Variants in ARMC2 observed in about 807,000 individuals in gnomAD.
ARMC2 encodes armadillo repeat-containing protein 2.
ARMC2 carries 67 observed loss-of-function variants against 90.3 expected under a neutral mutation model. The observed-to-expected ratio is 0.74, with a 90% CI of 0.61 to 0.91. The LOEUF is 0.91. Among genes scored for constraint, ARMC2 ranks in the 40% least tolerant of loss-of-function variants. ARMC2 has a pLI of 0.00. For synonymous variants in ARMC2, 393 were observed against 393.0 expected (o/e 1.00, Z 0.00); for missense variants, 920 against 1,030.9 (o/e 0.89, Z 1.47).
chr6:108,884,711 G>A lies in ARMC2; in HGVS notation c.671+8361G>A, dbSNP rs116496386. 4.2e-3 allele frequency among the ~76,000 whole-genome samples: 634 copies of A among 152,288 alleles called. 3 individuals carry two copies. The highest frequency in any genetic ancestry group is 0.014 in the African/African-American group (595 of 41,552). ...GGACACATGACAGATGGCCTTCAAT[G>A]CTACTCCCAGGTATGTGGGTCCATT... On this transcript the variant is annotated intron_variant, in intron 5 of 17. Coordinates refer to ENST00000392644, the MANE Select transcript of ARMC2 (RefSeq NM_032131.6).
chr6:108,861,981 G>T (rs1053030644), intron 3 of ARMC2, among the ~76,000 whole-genome samples: 3 of 152,102 alleles, frequency 2.0e-5, no homozygotes, highest in Admixed American at 2.0e-4. Flanking sequence ...GACAAGATAG[G>T]CATTTATCTG....
chr6:108,913,726 T>A (rs1187183846), intron 10 of ARMC2, among the ~76,000 whole-genome samples: 2 of 152,218 alleles, frequency 1.3e-5, no homozygotes. Flanking sequence ...ACTTTTTAAA[T>A]AACCCGTTAC....
At chr6:109,051,181 A>G in the ARMC2 span, among the ~76,000 whole-genome samples, 5 of 152,314 alleles carry the variant, frequency 3.3e-5, no homozygotes, top group Admixed American at 1.3e-4. Context: ...AACTCATTTC[A>G]GAAATCAGTT....
intron 8 of ARMC2, chr6:108,907,699 C>A: frequency 6.2e-7 from 1 of 1,608,688 alleles, no homozygotes; most frequent in Non-Finnish European, 8.5e-7. Context: ...CCATGGTAAC[C>A]CCCGAGATGC....
At chr6:108,901,976 G>A (rs1772209374) in intron 7 of ARMC2, among the ~76,000 whole-genome samples, 1 of 152,140 alleles carries the variant, frequency 6.6e-6, no homozygotes, top group African/African-American at 2.4e-5. Flanking sequence ...TAGCATCTTG[G>A]GCAGGCAGAG....
At chr6:109,001,070 A>G in the ARMC2 span, among the ~76,000 whole-genome samples, 3 of 152,202 alleles carry the variant, frequency 2.0e-5, no homozygotes, top group African/African-American at 7.2e-5. Context: ...TACTTATTTA[A>G]TGAAGAATGG....
chr6:108,903,265 A>G (rs1381434211), intron 7 of ARMC2, among the ~76,000 whole-genome samples: 1 of 151,992 alleles, frequency 6.6e-6, no homozygotes, highest in African/African-American at 2.4e-5. Flanking sequence ...CTTTTTTTAA[A>G]TTTATTTTTT....
At chr6:108,858,675 A>C (rs902040980) in intron 3 of ARMC2, among the ~76,000 whole-genome samples, 2 of 151,300 alleles carry the variant, frequency 1.3e-5, no homozygotes, top group East Asian at 1.9e-4. Flanking sequence ...TAGTCTCTCT[A>C]TATATACATT....
At chr6:108,858,976 A>G (rs901989914) in intron 3 of ARMC2, among the ~76,000 whole-genome samples, 10 of 152,090 alleles carry the variant, frequency 6.6e-5, no homozygotes, top group African/African-American at 2.2e-4. Context: ...TATCCCCACT[A>G]TTACTCCCAT....
In ARMC2 at chr6:108,973,244, G is replaced by A. The variant is rs114488101; in HGVS notation, c.2447-113G>A. 4.1e-3 allele frequency: 3,021 copies of A among 730,408 alleles called. 20 individuals are homozygous for A. The highest frequency in any genetic ancestry group is 6.4e-3 in the South Asian group (266 of 41,406). The allele number at this position is 730,408 out of a possible 1,614,324, so 45.2% of individuals were successfully genotyped here. On this transcript the variant is annotated intron_variant, in intron 17 of 17. Coordinates refer to ENST00000392644, the MANE Select transcript of ARMC2 (RefSeq NM_032131.6). ...TCTCTGAAATCCTGTCTTGTGTTAC[G>A]TTGGTATTAAAGGACGACCCAGGGT...
At chr6:108,857,368 A>G (rs987380945) in intron 2 of ARMC2, among the ~76,000 whole-genome samples, 3 of 152,202 alleles carry the variant, frequency 2.0e-5, no homozygotes, top group Non-Finnish European at 4.4e-5. Context: ...CCAACCTTGT[A>G]TCTTGCAACC....
chr6:109,029,692 C>G, the ARMC2 span, among the ~76,000 whole-genome samples: 1 of 152,044 alleles, frequency 6.6e-6, no homozygotes, highest in African/African-American at 2.4e-5. Flanking sequence ...TGCCACCACA[C>G]CCAGCTATTT....
At chr6:108,858,021 G>A (rs1462737756) in intron 2 of ARMC2, among the ~76,000 whole-genome samples, 178 bp from the exon 3 acceptor site, 2 of 152,138 alleles carry the variant, frequency 1.3e-5, no homozygotes, top group Non-Finnish European at 1.5e-5. Flanking sequence ...CTTCCTAAAA[G>A]TAATCAAAAG....
rs532834613 is a variant in ARMC2, at chr6:108,932,779, C to T, written c.1497-4121C>T. 5.6e-3 allele frequency among the ~76,000 whole-genome samples: 855 copies of T among 151,582 alleles called. 19 individuals carry two copies. Among genetic ancestry groups the T allele is most frequent in the African/African-American group, 0.02 (818 of 40,950 alleles). On this transcript the variant is annotated intron_variant, in intron 11 of 17. Coordinates refer to ENST00000392644, the MANE Select transcript of ARMC2 (RefSeq NM_032131.6). ...TCCTGACCTCGTGATCTGCCCGCCT[C>T]GGCCTCCCAAAGTGCTGGGATTACA...
chr6:108,912,443 A>G lies in ARMC2; in HGVS notation c.1235A>G (p.Asn412Ser). 1 of 1,613,848 alleles carries G rather than the reference A, an allele frequency of 6.2e-7. No individual in the cohort carries two copies. Among genetic ancestry groups the G allele is most frequent in the South Asian group, 1.1e-5 (1 of 91,080 alleles). The change falls in exon 10 of 18, where the codon AAT becomes AGT. Residue 412 changes from asparagine (N) to serine (S), a missense_variant. Coordinates refer to ENST00000392644, the MANE Select transcript of ARMC2 (RefSeq NM_032131.6). ...ATTTCTGGAAATCTGGGATTTCTTA[A>G]TGAAATGATCAGCAAAGGTGCTGTG... is the stretch of plus-strand genomic sequence containing the variant. ...KFISGNLGFL[N>S]EMISKGAVEI...
chr6:109,023,418 C>T, the ARMC2 span, among the ~76,000 whole-genome samples: 1 of 152,212 alleles, frequency 6.6e-6, no homozygotes, highest in Non-Finnish European at 1.5e-5. Flanking sequence ...ACCATGCTAA[C>T]AGTGACTGTT....
intron 10 of ARMC2, among the ~76,000 whole-genome samples, chr6:108,921,495 A>G (rs989302451): frequency 2.9e-5 from 4 of 138,846 alleles, no homozygotes; most frequent in African/African-American, 9.7e-5. Flanking sequence ...AATAAATTCC[A>G]AGAAAAGCTT....
chr6:108,858,224 T>A lies in ARMC2; in HGVS notation c.244T>A (p.Ser82Thr). Reference sequence around the variant, plus strand: ...CCTCCATGCATCCAGTTTTGAGTCATCTGATTCCAGGCCTATCTCTGGCAC... The same window carrying A: ...CCTCCATGCATCCAGTTTTGAGTCAACTGATTCCAGGCCTATCTCTGGCAC... ...FSLHASSFESSDSRPISGTRL... is the reference protein window; with the variant it reads ...FSLHASSFESTDSRPISGTRL... The change falls in exon 3 of 18, where the codon TCT becomes ACT. Residue 82 changes from serine (S) to threonine (T), a missense_variant. Physicochemically the swap from Ser to Thr is moderately conservative, Grantham distance 58. Transcript: ENST00000392644. The A allele has an allele frequency of 6.2e-7, 1 of 1,611,456 alleles. No individual in the cohort carries two copies. The highest frequency in any genetic ancestry group is 8.5e-7 in the Non-Finnish European group (1 of 1,178,086).
the ARMC2 span, among the ~76,000 whole-genome samples, chr6:109,003,063 T>C: frequency 6.6e-6 from 1 of 152,098 alleles, no homozygotes; most frequent in African/African-American, 2.4e-5. Context: ...TGTGATGGTG[T>C]AGTATGGTTA....
Sources: allele counts gnomAD v4.1 joint callset (sites outside exome capture counted in the v4.1 genomes callset), GRCh38; gene constraint gnomAD v4.1.1; transcripts MANE v1.5; gene names NCBI Gene and HGNC (gene_info 2026-07-23, HGNC 2026-07-21).